Variants in CFAP61 observed in about 807,000 individuals in gnomAD.
CFAP61 encodes the protein cilia- and flagella-associated protein 61.
Under a neutral mutation model 135.6 loss-of-function variants are expected in CFAP61, and 107 were observed. That is an observed-to-expected ratio of 0.79 (90% CI 0.67 to 0.93). The LOEUF (loss-of-function observed/expected upper bound fraction) is 0.93. Among genes scored for constraint, CFAP61 ranks in the 40% least tolerant of loss-of-function variants. The probability of loss-of-function intolerance (pLI) is 0.00; values close to 1 mark genes in which losing one functional copy is unlikely to be tolerated. For missense variants in CFAP61, 1,507 were observed against 1,556.2 expected, an observed-to-expected ratio of 0.97 and a Z score of 0.53; for synonymous variants, 575 against 578.5, an observed-to-expected ratio of 0.99 and a Z score of 0.09.
intron 25 of CFAP61, among the ~76,000 whole-genome samples, chr20:20,301,180 C>T (rs1261333875): frequency 1.3e-5 from 2 of 152,168 alleles, no homozygotes; most frequent in Non-Finnish European, 2.9e-5. Flanking sequence ...GCTCCATTCA[C>T]GGTAAGTACC....
intron 22 of CFAP61, among the ~76,000 whole-genome samples, chr20:20,278,202 G>A (rs780298002): frequency 5.3e-5 from 8 of 152,180 alleles, no homozygotes; most frequent in East Asian, 1.9e-4. Context: ...TACAGAGAAC[G>A]CTGTGGCTCT....
At chr20:20,223,524 A>G (rs868241784) in intron 17 of CFAP61, among the ~76,000 whole-genome samples, 6 of 152,126 alleles carry the variant, frequency 3.9e-5, no homozygotes, top group African/African-American at 1.4e-4. Flanking sequence ...GATCATTTGT[A>G]TTTATTTTTA....
intron 8 of CFAP61, among the ~76,000 whole-genome samples, chr20:20,099,025 C>A (rs912074215): frequency 2.6e-5 from 4 of 152,178 alleles, no homozygotes; most frequent in East Asian, 1.9e-4. Context: ...ACATAGTGGA[C>A]TTGGGGCCTT....
intron 19 of CFAP61, among the ~76,000 whole-genome samples, chr20:20,247,772 G>T (rs898334183): frequency 1.3e-5 from 2 of 151,984 alleles, no homozygotes; most frequent in Non-Finnish European, 2.9e-5. Flanking sequence ...CAGCCTCCTC[G>T]ATGTTCCTCA....
chr20:20,328,463 G>C (rs575278071), intron 25 of CFAP61, among the ~76,000 whole-genome samples: 5 of 152,266 alleles, frequency 3.3e-5, no homozygotes, highest in Non-Finnish European at 7.4e-5. Flanking sequence ...ACAGCTCCTT[G>C]ACATTGGCCT....
chr20:20,109,050 G>A (rs1053458305), intron 8 of CFAP61, among the ~76,000 whole-genome samples: 3 of 152,034 alleles, frequency 2.0e-5, no homozygotes, highest in African/African-American at 7.2e-5. Context: ...TTATGACCTA[G>A]CCCATAATTT....
chr20:20,238,487 T>C (rs1010353124), intron 18 of CFAP61, among the ~76,000 whole-genome samples: 1 of 152,240 alleles, frequency 6.6e-6, no homozygotes, highest in African/African-American at 2.4e-5. Flanking sequence ...CATTATCTAT[T>C]TGTTCAAATA....
chr20:20,230,258 C>A (rs1265189129), intron 18 of CFAP61, among the ~76,000 whole-genome samples: 5 of 152,158 alleles, frequency 3.3e-5, no homozygotes, highest in African/African-American at 1.2e-4. Context: ...ATCATCATTA[C>A]ACAGATTACG....
chr20:20,070,023 G>C (rs1324046291), intron 2 of CFAP61: 1 of 267,960 alleles, frequency 3.7e-6, no homozygotes. Context: ...ATGCACAAAT[G>C]GTTCTTGGGG....
chr20:20,072,838 AATG>A (rs1178161537), intron 3 of CFAP61, among the ~76,000 whole-genome samples: 8 of 152,234 alleles, frequency 5.3e-5, no homozygotes, highest in African/African-American at 7.2e-5. Flanking sequence ...TAATTTTTAT[AATG>A]ATTACTTGTT....
At chr20:20,245,978 G>A (rs1358832147) in intron 18 of CFAP61, 139 bp from the exon 19 acceptor site, 29 of 618,198 alleles carry the variant, frequency 4.7e-5, no homozygotes, top group South Asian at 3.8e-4. Context: ...TCTATCTGAA[G>A]GTTCGTGCAA....
At chr20:20,278,975 T>C (rs1569233656) in intron 22 of CFAP61, among the ~76,000 whole-genome samples, 1 of 152,204 alleles carries the variant, frequency 6.6e-6, no homozygotes, top group Non-Finnish European at 1.5e-5. Context: ...TCTATACATG[T>C]ATGTCATGAC....
At chr20:20,250,208 C>T (rs2146982525) in intron 19 of CFAP61, among the ~76,000 whole-genome samples, 2 of 152,262 alleles carry the variant, frequency 1.3e-5, no homozygotes, top group African/African-American at 4.8e-5. Flanking sequence ...TTGTTTGCCT[C>T]CAAAGAGAGT....
intron 2 of CFAP61, among the ~76,000 whole-genome samples, chr20:20,062,722 TTAAC>T (rs1239003340): frequency 6.6e-6 from 1 of 152,224 alleles, no homozygotes; most frequent in Non-Finnish European, 1.5e-5. Context: ...CCACAATCCT[TTAAC>T]TAAATCCCTC....
intron 3 of CFAP61, among the ~76,000 whole-genome samples, chr20:20,071,589 G>A (rs1352812714): frequency 1.3e-5 from 2 of 152,172 alleles, no homozygotes; most frequent in African/African-American, 4.8e-5. Flanking sequence ...GCCAGAGACA[G>A]GCCCCAGTTT....
chr20:20,334,130 T>A (rs1042125084), intron 25 of CFAP61, among the ~76,000 whole-genome samples: 1 of 151,740 alleles, frequency 6.6e-6, no homozygotes, highest in Admixed American at 6.6e-5. Context: ...AATGTTAACT[T>A]CTTCTTTTTT....
At chr20:20,312,430 C>T (rs2056885265) in intron 25 of CFAP61, among the ~76,000 whole-genome samples, 1 of 152,120 alleles carries the variant, frequency 6.6e-6, no homozygotes, top group Non-Finnish European at 1.5e-5. Flanking sequence ...GGTAAGTGAA[C>T]TTGAAGACAT....
chr20:20,207,726 T>C (rs6112819), intron 17 of CFAP61, among the ~76,000 whole-genome samples: 16,002 of 152,296 alleles, frequency 0.11, 889 homozygotes, highest in Middle Eastern at 0.16. Flanking sequence ...AATAAATATG[T>C]TATTACAAAA....
intron 7 of CFAP61, chr20:20,094,781 G>A (rs1002286162): frequency 1.3e-5 from 2 of 152,272 alleles, no homozygotes; most frequent in Non-Finnish European, 2.9e-5. Flanking sequence ...TGGAAGGGCA[G>A]AAACAAGACT....
Sources: gnomAD v4.1 joint callset for allele counts (sites outside exome capture counted in the v4.1 genomes callset) on GRCh38, gnomAD v4.1.1 for gene constraint, MANE v1.5 for transcripts, NCBI Gene and HGNC (gene_info 2026-07-23, HGNC 2026-07-21) for gene names.